Variants in SLC24A3 observed in about 807,000 individuals in gnomAD.
SLC24A3 encodes the protein solute carrier family 24 member 3.
SLC24A3 carries 28 observed loss-of-function variants against 75.8 expected under a neutral mutation model. That is an observed-to-expected ratio of 0.37 (90% confidence interval 0.27 to 0.51). The LOEUF (loss-of-function observed/expected upper bound fraction) is 0.51. Among genes scored for constraint, SLC24A3 ranks in the 20% least tolerant of loss-of-function variants. The pLI, the probability that SLC24A3 is intolerant of heterozygous loss-of-function variation, is 0.94. For synonymous variants in SLC24A3, 372 were observed against 334.1 expected (o/e 1.11, Z -1.24); for missense variants, 663 against 847.8 (o/e 0.78, Z 2.71).
chr20:19,314,630 C>A (rs1463842480), intron 2 of SLC24A3, among the ~76,000 whole-genome samples: 1 of 152,146 alleles, frequency 6.6e-6, no homozygotes, highest in Non-Finnish European at 1.5e-5. Flanking sequence ...ATCTTCTTTA[C>A]TGGAATTGTA....
chr20:19,680,801 T>G (rs1008751789), intron 9 of SLC24A3, among the ~76,000 whole-genome samples: 1 of 152,084 alleles, frequency 6.6e-6, no homozygotes, highest in Non-Finnish European at 1.5e-5. Context: ...ACAAAGGAGA[T>G]AGCTGGGAGG....
intron 2 of SLC24A3, among the ~76,000 whole-genome samples, chr20:19,308,425 T>G (rs1984379939): frequency 6.6e-6 from 1 of 152,164 alleles, no homozygotes; most frequent in Non-Finnish European, 1.5e-5. Flanking sequence ...TGCGTTTTGT[T>G]TGGAGGGTGC....
Position 19,359,873 on chromosome 20 carries a change from C to A in SLC24A3, c.271+78786C>A, listed in dbSNP as rs1985755260. Among the ~76,000 whole-genome samples, 6 of 152,216 alleles carry A rather than the reference C, an allele frequency of 3.9e-5. No individual in the cohort carries two copies. In the South Asian group the frequency reaches 1.2e-3, roughly 32 times the overall value. Reference sequence around the variant, plus strand: ...AGCTTGGGCTCAGTTTCGATGACTACCCTCTGGGAGACAGTGTAGAACCCT... The same window carrying A: ...AGCTTGGGCTCAGTTTCGATGACTAACCTCTGGGAGACAGTGTAGAACCCT... On this transcript the variant is annotated intron_variant, in intron 2 of 16. Coordinates refer to ENST00000328041, the MANE Select transcript of SLC24A3 (RefSeq NM_020689.4).
chr20:19,585,091 C>T (rs1390955619), intron 5 of SLC24A3, 36 bp downstream of exon 5: 2 of 1,559,934 alleles, frequency 1.3e-6, no homozygotes, highest in Non-Finnish European at 1.8e-6. Context: ...CAGACCTTCA[C>T]TGTCTGAAGG....
At chr20:19,643,065 G>A (rs1006713270) in intron 6 of SLC24A3, among the ~76,000 whole-genome samples, 1 of 152,190 alleles carries the variant, frequency 6.6e-6, no homozygotes, top group African/African-American at 2.4e-5. Context: ...CTGAAGATCA[G>A]TTGGGGCCAG....
intron 2 of SLC24A3, among the ~76,000 whole-genome samples, chr20:19,394,674 C>T (rs1986423317): frequency 6.6e-6 from 1 of 152,168 alleles, no homozygotes; most frequent in Admixed American, 6.5e-5. Context: ...CACCTCCTAC[C>T]TAGTAGGATG....
chr20:19,631,168 A>G (rs1171600804), intron 6 of SLC24A3, among the ~76,000 whole-genome samples: 4 of 152,154 alleles, frequency 2.6e-5, no homozygotes, highest in Admixed American at 2.6e-4. Context: ...ACATGGTGAA[A>G]CACTGTCTAC....
At chr20:19,264,800 C>T (rs1336956672) in intron 1 of SLC24A3, among the ~76,000 whole-genome samples, 1 of 151,800 alleles carries the variant, frequency 6.6e-6, no homozygotes, top group Non-Finnish European at 1.5e-5. Flanking sequence ...TGGAGCAAAC[C>T]TCACCTAGTG....
chr20:19,559,005 G>A (rs771745127), intron 3 of SLC24A3, among the ~76,000 whole-genome samples: 1 of 152,152 alleles, frequency 6.6e-6, no homozygotes, highest in Non-Finnish European at 1.5e-5. Context: ...ATACCTGGGA[G>A]TGCCATGTAA....
chr20:19,696,158 C>T (rs1186243218), intron 13 of SLC24A3, among the ~76,000 whole-genome samples: 1 of 151,844 alleles, frequency 6.6e-6, no homozygotes, highest in African/African-American at 2.4e-5. Context: ...GCTGGGACCA[C>T]AGACATACAC....
At chr20:19,577,506 A>G (rs2031157565) in intron 3 of SLC24A3, among the ~76,000 whole-genome samples, 1 of 152,206 alleles carries the variant, frequency 6.6e-6, no homozygotes, top group Non-Finnish European at 1.5e-5. Flanking sequence ...TCTTACCTCT[A>G]AAATCTCCCA....
At chr20:19,685,614 G>A (rs1318758104) in intron 12 of SLC24A3, among the ~76,000 whole-genome samples, 1 of 152,190 alleles carries the variant, frequency 6.6e-6, no homozygotes. Context: ...TTACTGAAAT[G>A]TCAGGGATTT....
intron 9 of SLC24A3, among the ~76,000 whole-genome samples, chr20:19,677,248 C>T (rs1195809889): frequency 1.3e-5 from 2 of 150,958 alleles, no homozygotes; most frequent in Non-Finnish European, 2.9e-5. Context: ...TTGCTTGAAG[C>T]CAGGAGTTTG....
intron 1 of SLC24A3, among the ~76,000 whole-genome samples, chr20:19,278,840 T>G (rs6112286): frequency 0.018 from 2,789 of 152,322 alleles, 46 homozygotes; most frequent in East Asian, 0.087. Flanking sequence ...TCTTGCTAAA[T>G]TTACATGTGG....
intron 3 of SLC24A3, among the ~76,000 whole-genome samples, chr20:19,546,172 A>AAAAAAAAAAAAC (rs2030589733): frequency 6.7e-6 from 1 of 148,880 alleles, no homozygotes; most frequent in Non-Finnish European, 1.5e-5. Context: ...AAAAAAAAAA[A>AAAAAAAAAAAAC]AAAAAAAAAA....
chr20:19,382,285 A>AATGC (rs567633921), intron 2 of SLC24A3, among the ~76,000 whole-genome samples: 48 of 152,328 alleles, frequency 3.2e-4, no homozygotes, highest in African/African-American at 1.1e-3. Flanking sequence ...GATAGTGCAC[A>AATGC]ATGCATGATC....
chr20:19,648,096 T>A (rs111304671), intron 6 of SLC24A3, among the ~76,000 whole-genome samples: 9,869 of 152,264 alleles, frequency 0.065, 359 homozygotes, highest in Middle Eastern at 0.14. Flanking sequence ...TCAGTGATTT[T>A]TCCCGGCATA....
At chr20:19,706,347 C>T (rs16981024) in intron 15 of SLC24A3, among the ~76,000 whole-genome samples, 13,120 of 152,162 alleles carry the variant, frequency 0.086, 1,005 homozygotes, top group East Asian at 0.21. Context: ...AATTCCAAAA[C>T]AAGACGTGAT....
chr20:19,258,102 G>A (rs993808798), intron 1 of SLC24A3, among the ~76,000 whole-genome samples: 2 of 152,220 alleles, frequency 1.3e-5, no homozygotes, highest in Non-Finnish European at 2.9e-5. Context: ...TTGGAATGCC[G>A]TTCCTAAACT....
Sources: allele counts gnomAD v4.1 joint callset (sites outside exome capture counted in the v4.1 genomes callset), GRCh38; gene constraint gnomAD v4.1.1; transcripts MANE v1.5; gene names NCBI Gene and HGNC (gene_info 2026-07-23, HGNC 2026-07-21).